The following USP10 variants were observed in gnomAD, a reference collection of about 807,000 sequenced individuals.
USP10 encodes the protein ubiquitin carboxyl-terminal hydrolase 10.
Under a neutral mutation model 84.5 loss-of-function variants are expected in USP10, and 22 were observed. That is an observed-to-expected ratio of 0.26 (90% CI 0.19 to 0.37). USP10 has a LOEUF of 0.37. USP10 is among the 10% of genes least tolerant of loss of function. USP10 has a pLI of 1.00. For synonymous variants in USP10, 454 were observed against 387.6 expected, an observed-to-expected ratio of 1.17 and a Z score of -2.01; for missense variants, 1,019 against 998.9, an observed-to-expected ratio of 1.02 and a Z score of -0.27.
chr16:84,768,056 T>G (rs1036370040), intron 10 of USP10, 137 bp from the exon 11 acceptor site: 9 of 868,872 alleles, frequency 1.0e-5, no homozygotes, highest in Non-Finnish European at 1.5e-5. Context: ...ATTCAGTATA[T>G]TTTTGGCTTT....
intron 1 of USP10, among the ~76,000 whole-genome samples, chr16:84,703,854 G>C (rs917249898): frequency 1.3e-5 from 2 of 152,182 alleles, no homozygotes; most frequent in African/African-American, 4.8e-5. Flanking sequence ...CCATCTCATT[G>C]AGAGCACAGC....
intron 4 of USP10, among the ~76,000 whole-genome samples, chr16:84,757,684 G>T (rs1271267397): frequency 6.6e-6 from 1 of 152,044 alleles, no homozygotes; most frequent in African/African-American, 2.4e-5. Flanking sequence ...GTATCTATTT[G>T]TGGGTTATAT....
At chr16:84,733,525 G>C (rs758474390) in intron 2 of USP10, 22 bp downstream of exon 2, 1 of 1,551,048 alleles carries the variant, frequency 6.4e-7, no homozygotes, top group East Asian at 2.3e-5. Flanking sequence ...CTTTGTTTTA[G>C]TGAGTCCGTG....
At chr16:84,723,487 A>G (rs911045101) in intron 1 of USP10, among the ~76,000 whole-genome samples, 1 of 152,230 alleles carries the variant, frequency 6.6e-6, no homozygotes, top group Admixed American at 6.5e-5. Context: ...TGATCAAGTT[A>G]AGACTGTCAG....
intron 3 of USP10, among the ~76,000 whole-genome samples, chr16:84,740,604 G>T (rs548855895): frequency 1.5e-4 from 23 of 152,378 alleles, no homozygotes; most frequent in African/African-American, 5.5e-4. Flanking sequence ...GGAAATGGTT[G>T]TTGAGTTCTT....
intron 2 of USP10, among the ~76,000 whole-genome samples, chr16:84,739,429 G>A (rs780199793): frequency 3.3e-5 from 5 of 151,942 alleles, no homozygotes; most frequent in Non-Finnish European, 5.9e-5. Context: ...CTGCCACCAC[G>A]CCCAGCTGAT....
At chr16:84,767,766 AATT>A (rs1914017735) in intron 10 of USP10, among the ~76,000 whole-genome samples, 1 of 149,020 alleles carries the variant, frequency 6.7e-6, no homozygotes, top group South Asian at 2.1e-4. Context: ...TATTCAGCAG[AATT>A]ATTATTATTT....
intron 12 of USP10, among the ~76,000 whole-genome samples, 189 bp from the exon 13 acceptor site, chr16:84,774,971 T>TC (rs1246850034): frequency 1.3e-5 from 2 of 152,194 alleles, no homozygotes; most frequent in African/African-American, 4.8e-5. Flanking sequence ...ACATTTTGTG[T>TC]CCTATTACGT....
chr16:84,729,439 A>G (rs1908926003), intron 1 of USP10, among the ~76,000 whole-genome samples: 1 of 152,192 alleles, frequency 6.6e-6, no homozygotes, highest in Non-Finnish European at 1.5e-5. Context: ...ATATGTGGTT[A>G]TTGGGTTGTA....
intron 8 of USP10, among the ~76,000 whole-genome samples, chr16:84,762,641 A>T (rs1913339377): frequency 6.6e-6 from 1 of 151,918 alleles, no homozygotes; most frequent in Non-Finnish European, 1.5e-5. Context: ...CACTGAGCTG[A>T]GATTGCACCA....
At chr16:84,773,538 G>A (rs187262613) in intron 12 of USP10, among the ~76,000 whole-genome samples, 2 of 152,290 alleles carry the variant, frequency 1.3e-5, no homozygotes, top group South Asian at 2.1e-4. Flanking sequence ...ATACCTTCCC[G>A]TGAAGACTCA....
chr16:84,752,051 C>G (rs553525486), intron 4 of USP10, among the ~76,000 whole-genome samples: 17 of 152,228 alleles, frequency 1.1e-4, no homozygotes, highest in African/African-American at 4.1e-4. Context: ...GGCTATTAAG[C>G]AACTCCATTT....
intron 1 of USP10, among the ~76,000 whole-genome samples, chr16:84,712,457 T>A (rs1906436011): frequency 6.6e-6 from 1 of 152,114 alleles, no homozygotes. Flanking sequence ...GGCACTCAGG[T>A]GTTTGTCTGT....
intron 12 of USP10, 115 bp downstream of exon 12, chr16:84,772,800 G>A (rs1249327900): frequency 7.4e-6 from 10 of 1,357,374 alleles, no homozygotes; most frequent in East Asian, 4.9e-5. Flanking sequence ...CTTGCTGGAC[G>A]TGGACTTGTT....
chr16:84,756,390 C>A (rs1426976487), intron 4 of USP10, among the ~76,000 whole-genome samples: 1 of 152,182 alleles, frequency 6.6e-6, no homozygotes, highest in Non-Finnish European at 1.5e-5. Context: ...CTCAGGAGTT[C>A]AAGACCAGCC....
chr16:84,718,059 C>G (rs1362238205), intron 1 of USP10, among the ~76,000 whole-genome samples: 2 of 152,080 alleles, frequency 1.3e-5, no homozygotes, highest in Non-Finnish European at 2.9e-5. Flanking sequence ...GATTACTTGT[C>G]TTATAGAGTT....
rs114699874 is a variant in USP10 at position 84,755,265 on chromosome 16, G to A, written c.1193-3451G>A. Among the ~76,000 whole-genome samples, 746 of 151,554 alleles carry A rather than the reference G, an allele frequency of 4.9e-3. 9 individuals are homozygous for A. Among genetic ancestry groups the A allele is most frequent in the African/African-American group, 0.017 (708 of 41,304 alleles). On this transcript the variant is annotated intron_variant, in intron 4 of 13. Transcript: ENST00000219473. ...CCTCTGGCATCTTCGCCCTAACTCTGCCCTAGAAGACCTTTCCTTCCGTAT... is the reference window on the plus strand; with the variant it reads ...CCTCTGGCATCTTCGCCCTAACTCTACCCTAGAAGACCTTTCCTTCCGTAT...
intron 4 of USP10, among the ~76,000 whole-genome samples, chr16:84,749,236 T>G (rs1911613461): frequency 6.6e-6 from 1 of 152,228 alleles, no homozygotes; most frequent in Non-Finnish European, 1.5e-5. Flanking sequence ...TTGTTACAAG[T>G]CAGATCCACT....
chr16:84,738,876 T>C (rs1910268103), intron 2 of USP10, among the ~76,000 whole-genome samples: 1 of 152,090 alleles, frequency 6.6e-6, no homozygotes, highest in Admixed American at 6.5e-5. Flanking sequence ...TCTCATACAG[T>C]ATTGGGCATG....
Sources: gnomAD v4.1 joint callset for allele counts (sites outside exome capture counted in the v4.1 genomes callset) on GRCh38, gnomAD v4.1.1 for gene constraint, MANE v1.5 for transcripts, NCBI Gene and HGNC (gene_info 2026-07-23, HGNC 2026-07-21) for gene names.